Variants in CCDC6 observed in about 807,000 individuals in gnomAD.
The protein encoded by CCDC6 is coiled-coil domain containing 6.
In CCDC6, 20 loss-of-function variants were observed where a neutral mutation model predicts 56.6. The ratio of observed to expected loss-of-function variants is 0.35; its 90% CI spans 0.25 to 0.51. The LOEUF is 0.51. CCDC6 is among the 20% of genes least tolerant of loss of function. The pLI is 0.95. For synonymous variants in CCDC6, 241 were observed against 234.4 expected (o/e 1.03, Z -0.26); for missense variants, 367 against 601.1 (o/e 0.61, Z 4.07).
intron 7 of CCDC6, among the ~76,000 whole-genome samples, chr10:59,797,193 T>TA (rs1167700246): frequency 6.6e-6 from 1 of 152,012 alleles, no homozygotes; most frequent in Non-Finnish European, 1.5e-5. Context: ...ATGAGGAGTT[T>TA]AAATAGCCAA....
At chr10:59,880,147 T>C (rs1487732794) in intron 1 of CCDC6, among the ~76,000 whole-genome samples, 2 of 152,044 alleles carry the variant, frequency 1.3e-5, no homozygotes, top group Non-Finnish European at 2.9e-5. Context: ...ATACAGAGAA[T>C]CCTCTATACC....
At chr10:59,868,518 A>T (rs1165358058) in intron 1 of CCDC6, among the ~76,000 whole-genome samples, 1 of 152,134 alleles carries the variant, frequency 6.6e-6, no homozygotes, top group Non-Finnish European at 1.5e-5. Flanking sequence ...CCTCTAATAA[A>T]ACCCCACATC....
intron 2 of CCDC6, among the ~76,000 whole-genome samples, chr10:59,837,590 A>G (rs2070893690): frequency 6.6e-6 from 1 of 151,804 alleles, no homozygotes; most frequent in African/African-American, 2.4e-5. Flanking sequence ...CCAAAAATAC[A>G]AAAAAATTAG....
chr10:59,889,854 G>T (rs2071408783), intron 1 of CCDC6, among the ~76,000 whole-genome samples: 1 of 152,142 alleles, frequency 6.6e-6, no homozygotes, highest in Non-Finnish European at 1.5e-5. Flanking sequence ...CCTCCAGAGG[G>T]GTTGTGGGAG....
At chr10:59,869,410 A>C (rs2071207168) in intron 1 of CCDC6, among the ~76,000 whole-genome samples, 1 of 96,934 alleles carries the variant, frequency 1.0e-5, no homozygotes, top group African/African-American at 4.2e-5. Flanking sequence ...AAAAAAAAAA[A>C]AAAAAAAAAC....
intron 1 of CCDC6, among the ~76,000 whole-genome samples, chr10:59,865,931 G>C (rs2071173278): frequency 6.6e-6 from 1 of 150,430 alleles, no homozygotes; most frequent in South Asian, 2.1e-4. Context: ...ACCTACACCA[G>C]GAACCCTAAA....
rs1589036597 is a variant in CCDC6 at position 59,808,847 on chromosome 10, C to T, written c.848-1769G>A. On this transcript the variant is annotated intron_variant, in intron 5 of 8. Transcript: ENST00000263102. ...GATAAGTATTCAATGATTTCCAAGACAGCATCATTACAGATATACAAAAGC... is the reference window on the plus strand; with the variant it reads ...GATAAGTATTCAATGATTTCCAAGATAGCATCATTACAGATATACAAAAGC... 2.0e-5 allele frequency among the ~76,000 whole-genome samples: 3 copies of T among 152,322 alleles called. No individual in the cohort carries two copies. In the South Asian group the frequency reaches 6.2e-4, roughly 32 times the overall value.
chr10:59,854,944 G>A (rs1189960817), intron 1 of CCDC6, among the ~76,000 whole-genome samples: 2 of 152,170 alleles, frequency 1.3e-5, no homozygotes, highest in Non-Finnish European at 2.9e-5. Context: ...ATTCAAAAGG[G>A]TGTTTGCCAT....
intron 1 of CCDC6, among the ~76,000 whole-genome samples, chr10:59,883,115 G>T (rs79715679): frequency 0.017 from 2,604 of 152,184 alleles, 31 homozygotes; most frequent in Middle Eastern, 0.044. Flanking sequence ...ACTTGGAAGG[G>T]TCCTATCAAC....
chr10:59,824,605 A>G (rs2070772288), intron 3 of CCDC6, among the ~76,000 whole-genome samples: 1 of 152,184 alleles, frequency 6.6e-6, no homozygotes, highest in Non-Finnish European at 1.5e-5. Flanking sequence ...TGCAGACATA[A>G]GTTATGATGT....
rs10994011 is a variant in CCDC6 at position 59,795,452 on chromosome 10, A to T, written c.1106-855T>A. Among the ~76,000 whole-genome samples, 1,200 of 150,114 alleles carry T rather than the reference A, an allele frequency of 8.0e-3. 30 individuals carry two copies. The East Asian group carries it at 0.091, about 11-fold the overall frequency. The stretch of plus-strand genomic sequence containing the variant: ...CATAACTGTTAAGTTGGCCATTATT[A>T]TTTTTTTTCTTATTCATTTTTATTA... On this transcript the variant is annotated intron_variant, in intron 7 of 8. Transcript: ENST00000263102.
intron 1 of CCDC6, among the ~76,000 whole-genome samples, chr10:59,864,535 G>A (rs2071160383): frequency 1.3e-5 from 2 of 152,166 alleles, no homozygotes; most frequent in Admixed American, 6.5e-5. Flanking sequence ...GGGTGTAGGA[G>A]GGCAAGATAG....
At position 59,814,724 on chromosome 10, in the gene CCDC6, G is replaced by A. The variant is rs1265447086; in HGVS notation, c.614C>T (p.Thr205Ile). 6.2e-7 allele frequency: 1 copy of A among 1,612,620 alleles called. No homozygotes were observed. Among genetic ancestry groups the A allele is most frequent in the African/African-American group, 1.3e-5 (1 of 74,840 alleles). ...TAGTGCTTCTTGTTCTTGTTCCAAT[G>A]TATTTTCAAGGTCAATCTTCTCCCG... ...LRREKIDLEN[T>I]LEQEQEALVN... The change falls in exon 4 of 9, where the codon ACA (threonine) becomes ATA (isoleucine). Residue 205 changes from threonine to isoleucine, a missense_variant. This residue lies in a region of CCDC6 where 31 missense variants were observed against 124.2 expected (regional missense o/e 0.25). Coordinates refer to ENST00000263102, the MANE Select transcript of CCDC6 (RefSeq NM_005436.5).
At chr10:59,891,691 A>G (rs1211237309) in intron 1 of CCDC6, among the ~76,000 whole-genome samples, 1 of 152,236 alleles carries the variant, frequency 6.6e-6, no homozygotes, top group Non-Finnish European at 1.5e-5. Context: ...AAAAGGCTCC[A>G]ATAGTTTTGG....
chr10:59,847,236 G>A (rs928821059), intron 2 of CCDC6, among the ~76,000 whole-genome samples: 1 of 151,936 alleles, frequency 6.6e-6, no homozygotes, highest in Non-Finnish European at 1.5e-5. Flanking sequence ...TGTATTTTTA[G>A]TAGAGACAGG....
intron 3 of CCDC6, among the ~76,000 whole-genome samples, chr10:59,821,634 A>C (rs1378687360): frequency 6.6e-6 from 1 of 152,198 alleles, no homozygotes; most frequent in Non-Finnish European, 1.5e-5. Context: ...CAGCTCATGC[A>C]ATGCTGAGAA....
At chr10:59,810,702 T>C (rs577411535) in intron 5 of CCDC6, among the ~76,000 whole-genome samples, 14 of 152,282 alleles carry the variant, frequency 9.2e-5, no homozygotes, top group African/African-American at 2.4e-4. Flanking sequence ...TTTTTTAATA[T>C]GCTCCTTTTT....
At chr10:59,804,233 C>T (rs1022427979) in intron 7 of CCDC6, among the ~76,000 whole-genome samples, 187 bp downstream of exon 7, 1 of 148,238 alleles carries the variant, frequency 6.7e-6, no homozygotes, top group African/African-American at 2.5e-5. Context: ...AGCTGACACT[C>T]TAGCATTTAT....
Position 59,815,502 on chromosome 10 carries a change from A to G in CCDC6, c.583-747T>C, listed in dbSNP as rs1289292095. ...CAAGGAGTCAGGAATTTCTGCCCTC[A>G]TGGATCTTCCTTTTAGTGGGGGTCA... On this transcript the variant is annotated intron_variant, in intron 3 of 8. Transcript: ENST00000263102. 2.0e-5 allele frequency among the ~76,000 whole-genome samples: 3 copies of G among 152,218 alleles called. No individual in the cohort carries two copies. The East Asian group carries it at 5.8e-4, about 29-fold the overall frequency.
Sources: gnomAD v4.1 joint callset for allele counts (sites outside exome capture counted in the v4.1 genomes callset) on GRCh38, gnomAD v4.1.1 for gene constraint, gnomAD v4.1.1 regional missense constraint, MANE v1.5 for transcripts, NCBI Gene and HGNC (gene_info 2026-07-23, HGNC 2026-07-21) for gene names.